Variants in HDAC4 observed in about 807,000 individuals in gnomAD.
HDAC4 encodes the protein histone deacetylase A.
HDAC4 carries 16 observed loss-of-function variants against 135.1 expected under a neutral mutation model. The ratio of observed to expected loss-of-function variants is 0.12; its 90% CI spans 0.08 to 0.18. HDAC4 has a LOEUF of 0.18. Among genes scored for constraint, HDAC4 ranks in the 10% least tolerant of loss-of-function variants. The probability of loss-of-function intolerance (pLI) is 1.00; values close to 1 mark genes in which losing one functional copy is unlikely to be tolerated. For missense variants in HDAC4, 1,143 were observed against 1,511.8 expected (o/e 0.76, Z 4.05); for synonymous variants, 685 against 653.4 (o/e 1.05, Z -0.74).
intron 1 of HDAC4, among the ~76,000 whole-genome samples, chr2:239,355,870 A>G (rs1693460371): frequency 6.6e-6 from 1 of 152,256 alleles, no homozygotes; most frequent in South Asian, 2.1e-4. Context: ...CACGGTTCCT[A>G]GCCAAATGTC....
intron 2 of HDAC4, among the ~76,000 whole-genome samples, chr2:239,251,378 G>A (rs543913064): frequency 5.9e-4 from 90 of 152,184 alleles, no homozygotes; most frequent in African/African-American, 2.1e-3. Context: ...AATATTGCTT[G>A]AGGTCAGGAA....
At chr2:239,385,215 C>T (rs748169862) in intron 1 of HDAC4, among the ~76,000 whole-genome samples, 3 of 152,228 alleles carry the variant, frequency 2.0e-5, no homozygotes, top group Admixed American at 2.0e-4. Context: ...GCTGAAAGGT[C>T]TCCTCCAAGC....
chr2:239,126,554 C>T lies in HDAC4; in HGVS notation c.1435G>A (p.Ala479Thr), dbSNP rs766316097. 61 of 1,613,514 alleles carry T rather than the reference C, an allele frequency of 3.8e-5. No homozygotes were observed. The highest frequency in any genetic ancestry group is 9.9e-5 in the South Asian group (9 of 91,048). Reference sequence around the variant, plus strand: ...ATGACCAGGTGCTGCAGAGCCTGGGCGTTCTGGGGCAGCGGGGCCGACTGG... The same window carrying T: ...ATGACCAGGTGCTGCAGAGCCTGGGTGTTCTGGGGCAGCGGGGCCGACTGG... Reference protein sequence around the residue: ...RTQSAPLPQNAQALQHLVIQQ... With the variant: ...RTQSAPLPQNTQALQHLVIQQ... The change falls in exon 12 of 27, where the codon GCC (alanine) becomes ACC (threonine). Residue 479 changes from alanine to threonine, a missense_variant. Physicochemically the swap from Ala to Thr is moderately conservative, Grantham distance 58 (BLOSUM62 0). Around this residue, in one of 9 missense-constraint regions of HDAC4, gnomAD observed 272 missense variants for 309.7 expected, o/e 0.88. Transcript: ENST00000543185.
intron 4 of HDAC4, among the ~76,000 whole-genome samples, chr2:239,178,747 T>C (rs536274869): frequency 1.3e-5 from 2 of 152,082 alleles, no homozygotes; most frequent in East Asian, 3.9e-4. Flanking sequence ...GGTGAGAGGG[T>C]ACGGGATAAG....
chr2:239,136,104 A>G (rs1490422509), intron 9 of HDAC4, among the ~76,000 whole-genome samples: 3 of 152,256 alleles, frequency 2.0e-5, no homozygotes, highest in Non-Finnish European at 4.4e-5. Flanking sequence ...ATGTCTGCTG[A>G]ATGAATGGGC....
chr2:239,344,883 C>T (rs1195909764), intron 2 of HDAC4, among the ~76,000 whole-genome samples: 2 of 152,144 alleles, frequency 1.3e-5, no homozygotes, highest in South Asian at 2.1e-4. Flanking sequence ...GGTCTACTCT[C>T]CCACGTTCTC....
intron 22 of HDAC4, among the ~76,000 whole-genome samples, chr2:239,073,921 G>A (rs950656017): frequency 6.6e-6 from 1 of 151,892 alleles, no homozygotes; most frequent in Non-Finnish European, 1.5e-5. Flanking sequence ...GACATTCCGA[G>A]GCTTCCTCCA....
Position 239,313,939 on chromosome 2 carries a change from G to C in HDAC4, c.22+38739C>G, listed in dbSNP as rs1316165767. On this transcript the variant is annotated intron_variant, in intron 2 of 26. Coordinates refer to ENST00000543185, the MANE Select transcript of HDAC4 (RefSeq NM_001378414.1). The surrounding 1 kb of genome is among the most constrained non-coding windows in gnomAD (Gnocchi z 5.1). ...CTGTGAGTGTGCGTGGGGAGGGGCT[G>C]TAGTTCCCTTGGCAGGGGAAGCCAG... Among the ~76,000 whole-genome samples the C allele has an allele frequency of 6.6e-6, 1 of 152,196 alleles. No individual in the cohort carries two copies. The highest frequency in any genetic ancestry group is 1.5e-5 in the Non-Finnish European group (1 of 68,032).
intron 1 of HDAC4, among the ~76,000 whole-genome samples, chr2:239,363,816 AT>A (rs1311548470): frequency 6.6e-6 from 1 of 152,250 alleles, no homozygotes; most frequent in Non-Finnish European, 1.5e-5. Flanking sequence ...CCTGCCACAC[AT>A]ACACCCAGCA....
At chr2:239,294,657 G>A (rs1325276033) in intron 2 of HDAC4, among the ~76,000 whole-genome samples, 1 of 152,012 alleles carries the variant, frequency 6.6e-6, no homozygotes, top group African/African-American at 2.4e-5. Context: ...GCTCAGGATA[G>A]CAAGCAGAGC....
At chr2:239,346,584 AAC>A (rs777754730) in intron 2 of HDAC4, among the ~76,000 whole-genome samples, 16 of 147,838 alleles carry the variant, frequency 1.1e-4, no homozygotes, top group Non-Finnish European at 2.2e-4. Flanking sequence ...CACAGACCAT[AAC>A]ACACACACCT....
At chr2:239,226,334 A>C (rs974980859) in intron 3 of HDAC4, among the ~76,000 whole-genome samples, 13 of 152,162 alleles carry the variant, frequency 8.5e-5, no homozygotes, top group African/African-American at 3.1e-4. Flanking sequence ...AGAACTGTGG[A>C]ATCCTCCCTG....
rs1692971630 is a variant in HDAC4 at position 239,349,557 on chromosome 2, G to A, written c.22+3121C>T. The stretch of plus-strand genomic sequence containing the variant: ...GATCTCTGGGGATGGAGCTGCTTGG[G>A]AAGGCACACAAGCGAGTGGGCCTCG... On this transcript the variant is annotated intron_variant, in intron 2 of 26. Coordinates refer to ENST00000543185, the MANE Select transcript of HDAC4 (RefSeq NM_001378414.1). The surrounding 1 kb of genome is among the most constrained non-coding windows in gnomAD (Gnocchi z 5.7). 6.6e-6 allele frequency among the ~76,000 whole-genome samples: 1 copy of A among 152,234 alleles called. No individual in the cohort carries two copies. Among genetic ancestry groups the A allele is most frequent in the African/African-American group, 2.4e-5 (1 of 41,474 alleles).
chr2:239,060,938 C>T (rs932368921), intron 24 of HDAC4, among the ~76,000 whole-genome samples: 1 of 152,238 alleles, frequency 6.6e-6, no homozygotes, highest in Non-Finnish European at 1.5e-5. Flanking sequence ...GGGACGGCCC[C>T]GCTGTGTGTG....
At chr2:239,283,835 G>A (rs2050970250) in intron 2 of HDAC4, among the ~76,000 whole-genome samples, 1 of 152,208 alleles carries the variant, frequency 6.6e-6, no homozygotes. Flanking sequence ...GGAGTTAGGA[G>A]AAGAAAAGCA....
Position 239,349,042 on chromosome 2 carries a change from GA to G in HDAC4, c.22+3635del, listed in dbSNP as rs1219104091. Among the ~76,000 whole-genome samples the G allele has an allele frequency of 6.6e-6, 1 of 152,218 alleles. No individual in the cohort carries two copies. Among genetic ancestry groups the G allele is most frequent in the Non-Finnish European group, 1.5e-5 (1 of 68,040 alleles). On this transcript the variant is annotated intron_variant, in intron 2 of 26. Transcript: ENST00000543185. This position sits in a 1 kb window ranked among gnomAD's most constrained non-coding sequence, Gnocchi z 5.7. ...AAGCCAAGTCACATGACAAATGTGA[GA>G]GGGGGCCCATGGGCGGCTGGACTCC...
chr2:239,323,412 G>A (rs1213227599), intron 2 of HDAC4, among the ~76,000 whole-genome samples: 1 of 152,162 alleles, frequency 6.6e-6, no homozygotes, highest in East Asian at 1.9e-4. Flanking sequence ...CAGCATTGTT[G>A]GATGTTAAGT....
intron 2 of HDAC4, among the ~76,000 whole-genome samples, chr2:239,312,748 C>T (rs527806932): frequency 6.6e-5 from 10 of 152,348 alleles, no homozygotes; most frequent in East Asian, 1.9e-4. Context: ...GCACACCCCT[C>T]GACTGCACCA....
At chr2:239,336,263 G>A (rs1399629) in intron 2 of HDAC4, among the ~76,000 whole-genome samples, 79,292 of 151,954 alleles carry the variant, frequency 0.52, 20,988 homozygotes, top group African/African-American at 0.6. Context: ...TCTGGGTGTT[G>A]GGATGTCCCA....
Sources: gnomAD v4.1 joint callset for allele counts (sites outside exome capture counted in the v4.1 genomes callset) on GRCh38, gnomAD v4.1.1 for gene constraint, gnomAD v4.1.1 regional missense constraint, Gnocchi (gnomAD v3.1) non-coding constraint, MANE v1.5 for transcripts, NCBI Gene and HGNC (gene_info 2026-07-23, HGNC 2026-07-21) for gene names.